SMC5: variants seen among roughly 807,000 people sequenced by gnomAD.
The protein encoded by SMC5 is structural maintenance of chromosomes protein 5.
A neutral mutation model predicts 148.3 loss-of-function variants in SMC5; 88 were observed. The observed-to-expected ratio is 0.59, with a 90% CI of 0.50 to 0.71. The LOEUF (loss-of-function observed/expected upper bound fraction) is 0.71. SMC5 is among the 30% of genes least tolerant of loss of function. The pLI, the probability that SMC5 is intolerant of heterozygous loss-of-function variation, is 0.00. For missense variants in SMC5, 1,142 were observed against 1,298.9 expected (o/e 0.88, Z 1.86); for synonymous variants, 421 against 432.8 (o/e 0.97, Z 0.34).
intron 3 of SMC5, among the ~76,000 whole-genome samples, chr9:70,273,945 T>G (rs2034517491): frequency 6.6e-6 from 1 of 152,240 alleles, no homozygotes; most frequent in Admixed American, 6.5e-5. Context: ...AAATCTTCTA[T>G]ATTTTTGCTG....
chr9:70,346,790 T>C (rs2036676989), intron 19 of SMC5, 141 bp downstream of exon 19: 1 of 872,832 alleles, frequency 1.1e-6, no homozygotes, highest in Non-Finnish European at 1.8e-6. Context: ...CTGATACTTC[T>C]TTTCTCTAAA....
chr9:70,290,969 T>C (rs935830616), intron 8 of SMC5, among the ~76,000 whole-genome samples: 1 of 152,222 alleles, frequency 6.6e-6, no homozygotes, highest in African/African-American at 2.4e-5. Context: ...CCATACTTTT[T>C]CCTTTATTTG....
At position 70,259,106 on chromosome 9, in the gene SMC5, A is replaced by C. The variant is rs1246126705; in HGVS notation, c.28A>C (p.Thr10Pro). The C allele has an allele frequency of 1.2e-6, 2 of 1,610,256 alleles. No homozygotes were observed. Among genetic ancestry groups the C allele is most frequent in the Middle Eastern group, 1.7e-4 (1 of 6,054 alleles). ...GGCGACTCCGAGCAAGAAGACGTCAACTCCAAGCCCCCAGCCTTCCAAGAG... is the reference window on the plus strand; with the variant it reads ...GGCGACTCCGAGCAAGAAGACGTCACCTCCAAGCCCCCAGCCTTCCAAGAG... Reference protein sequence around the residue: MATPSKKTSTPSPQPSKRAL... With the variant: MATPSKKTSPPSPQPSKRAL... Residue 10 changes from threonine to proline, a missense_variant, in exon 1 of 25, where the codon ACT (threonine) becomes CCT (proline). Thr to Pro is a conservative substitution (Grantham distance 38, BLOSUM62 -1). Transcript: ENST00000361138.
At chr9:70,279,893 G>A (rs1380993730) in intron 5 of SMC5, among the ~76,000 whole-genome samples, 2 of 151,494 alleles carry the variant, frequency 1.3e-5, no homozygotes, top group African/African-American at 4.9e-5. Context: ...TTGTTATATA[G>A]GCACATTGTG....
At chr9:70,279,761 G>A (rs528153362) in intron 5 of SMC5, among the ~76,000 whole-genome samples, 218 of 147,530 alleles carry the variant, frequency 1.5e-3, no homozygotes, top group Middle Eastern at 0.011. Context: ...AGGTTGTAGT[G>A]AGCCGAGAAC....
chr9:70,276,641 C>T (rs887456556), intron 3 of SMC5, among the ~76,000 whole-genome samples: 5 of 152,140 alleles, frequency 3.3e-5, no homozygotes, highest in Non-Finnish European at 5.9e-5. Context: ...AATAATTTAT[C>T]TTTCTGCCAC....
intron 22 of SMC5, among the ~76,000 whole-genome samples, chr9:70,348,923 A>G (rs1314649401): frequency 6.6e-6 from 1 of 152,176 alleles, no homozygotes; most frequent in Non-Finnish European, 1.5e-5. Flanking sequence ...AGTGGGACAG[A>G]GACTCTGTCT....
At chr9:70,271,901 A>C in intron 3 of SMC5, among the ~76,000 whole-genome samples, 1 of 152,268 alleles carries the variant, frequency 6.6e-6, no homozygotes, top group East Asian at 1.9e-4. Flanking sequence ...CGAAAATATC[A>C]GGAAGTCAAG....
intron 24 of SMC5, among the ~76,000 whole-genome samples, chr9:70,351,045 A>G (rs532863774): frequency 1.3e-5 from 2 of 152,236 alleles, no homozygotes; most frequent in Non-Finnish European, 2.9e-5. Flanking sequence ...GATTTTTTCC[A>G]TTTTAAGTAT....
Position 70,259,005 on chromosome 9 carries a change from T to A in SMC5, c.-74T>A. On this transcript the variant is annotated 5_prime_UTR_variant, in exon 1 of 25. Transcript: ENST00000361138. ...TTCGCGCGGGAGCGGGGCGCCTGGGTGGATGGGCGCTTGGGCGCCTGGGCT... is the reference window on the plus strand; with the variant it reads ...TTCGCGCGGGAGCGGGGCGCCTGGGAGGATGGGCGCTTGGGCGCCTGGGCT... 1 of 1,469,526 alleles carries A rather than the reference T, an allele frequency of 6.8e-7. No individual in the cohort carries two copies. The highest frequency in any genetic ancestry group is 9.0e-7 in the Non-Finnish European group (1 of 1,106,434). The allele number at this position is 1,469,526 out of a possible 1,614,324, so 91.0% of individuals were successfully genotyped here. A position where few individuals can be genotyped will look rare whatever the true frequency, so the allele number is the denominator to read the frequency against.
In SMC5 at chr9:70,259,203, T is replaced by A; in HGVS notation, c.125T>A (p.Leu42Ter). 1 of 1,608,670 alleles carries A rather than the reference T, an allele frequency of 6.2e-7. No homozygotes were observed. Among genetic ancestry groups the A allele is most frequent in the Non-Finnish European group, 8.5e-7 (1 of 1,177,380 alleles). Residue 42 changes from leucine (L) to a stop codon, truncating the protein, a stop_gained, in exon 1 of 25, where the codon TTG becomes TAG. Transcript: ENST00000361138. LOFTEE classifies it high-confidence loss of function. ...RKNSAPQLPL[L>*]QSSGPFVEGS... Reference sequence around the variant, plus strand: ...AATTCGGCCCCGCAGCTGCCGCTGTTGCAGTCGTCCGGGCCTTTCGTGGAA... The same window carrying A: ...AATTCGGCCCCGCAGCTGCCGCTGTAGCAGTCGTCCGGGCCTTTCGTGGAA...
chr9:70,315,804 T>G (rs946826441), intron 13 of SMC5, among the ~76,000 whole-genome samples: 5 of 152,092 alleles, frequency 3.3e-5, no homozygotes, highest in Non-Finnish European at 5.9e-5. Context: ...AATAAATACT[T>G]AATACATTTA....
intron 1 of SMC5, among the ~76,000 whole-genome samples, chr9:70,262,037 G>A (rs192178634): frequency 6.6e-6 from 1 of 152,278 alleles, no homozygotes; most frequent in East Asian, 1.9e-4. Context: ...TTGGTGAGAT[G>A]CTGTTTATTT....
chr9:70,270,728 CCT>C (rs2034425001), intron 3 of SMC5, among the ~76,000 whole-genome samples: 1 of 146,632 alleles, frequency 6.8e-6, no homozygotes, highest in East Asian at 2.0e-4. Context: ...CTCACTGCAA[CCT>C]CTGTCTCCCG....
Position 70,314,816 on chromosome 9 carries a change from A to C in SMC5, c.1653A>C (p.Ser551=). 6.4e-7 allele frequency: 1 copy of C among 1,555,926 alleles called. No individual in the cohort carries two copies. The highest frequency in any genetic ancestry group is 1.4e-5 in the African/African-American group (1 of 72,942). The change falls in exon 12 of 25, where the codon TCA becomes TCC. Residue 551 remains serine, a synonymous_variant. Coordinates refer to ENST00000361138, the MANE Select transcript of SMC5 (RefSeq NM_015110.4). Reference sequence around the variant, plus strand: ...GTTCATATGCAGACAAAGCACCTTCAAGATCTTTGAATGAACTTAAGTAAG... The same window carrying C: ...GTTCATATGCAGACAAAGCACCTTCCAGATCTTTGAATGAACTTAAGTAAG... ...PKSSYADKAP[S]RSLNELKQYG... is the part of the protein sequence containing the mutation.
rs748406225 is a variant in SMC5 at position 70,314,833 on chromosome 9, TTAAG to T, written c.1673+3_1673+6del. The T allele has an allele frequency of 6.0e-6, 9 of 1,507,056 alleles. No homozygotes were observed. The highest frequency in any genetic ancestry group is 2.6e-5 in the South Asian group (2 of 77,570). 93.4% of individuals were successfully genotyped at this position (1,507,056 alleles called of 1,614,324 possible). ...GCACCTTCAAGATCTTTGAATGAACTTAAGTAAGTCTTGAAAATACTAAGATTTA... is the reference window on the plus strand; with the variant it reads ...GCACCTTCAAGATCTTTGAATGAACTTAAGTCTTGAAAATACTAAGATTTA... On this transcript the variant is annotated splice_donor_variant and coding_sequence_variant, in exon 12 of 25. Coordinates refer to ENST00000361138, the MANE Select transcript of SMC5 (RefSeq NM_015110.4). LOFTEE classifies it high-confidence loss of function.
intron 17 of SMC5, among the ~76,000 whole-genome samples, chr9:70,333,485 C>CT (rs989793521): frequency 1.9e-4 from 29 of 152,196 alleles, no homozygotes; most frequent in African/African-American, 6.7e-4. Flanking sequence ...AAAAGAAAGG[C>CT]TTTGGGAGGC....
At chr9:70,295,058 A>G (rs890837881) in intron 8 of SMC5, among the ~76,000 whole-genome samples, 1 of 151,828 alleles carries the variant, frequency 6.6e-6, no homozygotes, top group Non-Finnish European at 1.5e-5. Flanking sequence ...TAATGAGAAT[A>G]CCCTCCCCAC....
At chr9:70,265,369 G>A (rs1456343627) in intron 2 of SMC5, among the ~76,000 whole-genome samples, 1 of 152,128 alleles carries the variant, frequency 6.6e-6, no homozygotes, top group Non-Finnish European at 1.5e-5. Flanking sequence ...TGAAGCAGGA[G>A]AATTGCTTGA....
Sources: allele counts gnomAD v4.1 joint callset (sites outside exome capture counted in the v4.1 genomes callset), GRCh38; gene constraint gnomAD v4.1.1; transcripts MANE v1.5; gene names NCBI Gene and HGNC (gene_info 2026-07-23, HGNC 2026-07-21).